The following PGR variants were observed in gnomAD, a reference collection of about 807,000 sequenced individuals.
The protein encoded by PGR is progesterone receptor.
Under a neutral mutation model 76.1 loss-of-function variants are expected in PGR, and 25 were observed. The ratio of observed to expected loss-of-function variants is 0.33; its 90% confidence interval spans 0.24 to 0.46. The LOEUF (loss-of-function observed/expected upper bound fraction) is 0.46, where lower values mean the gene tolerates loss of function less well. Among genes scored for constraint, PGR ranks in the 20% least tolerant of loss-of-function variants. The pLI is 1.00. For missense variants in PGR, 1,172 were observed against 1,225.3 expected (o/e 0.96, Z 0.65); for synonymous variants, 579 against 535.0 (o/e 1.08, Z -1.14).
Position 101,128,639 on chromosome 11 carries a change from G to A in PGR, c.432C>T (p.Gly144=). ...CCGGTGGATCTTCGGGAAGTTCGGGGCCAAACAGGCACCAAGAGCTGGTGA... is the reference window on the plus strand; with the variant it reads ...CCGGTGGATCTTCGGGAAGTTCGGGACCAAACAGGCACCAAGAGCTGGTGA... ...CEVTSSWCLF[G]PELPEDPPAA... The change falls in exon 1 of 8, where the codon GGC becomes GGT. Residue 144 remains glycine (G), a synonymous_variant. Coordinates refer to ENST00000325455, the MANE Select transcript of PGR (RefSeq NM_000926.4). 1 of 1,589,098 alleles carries A rather than the reference G, an allele frequency of 6.3e-7. No homozygotes were observed. The highest frequency in any genetic ancestry group is 8.6e-7 in the Non-Finnish European group (1 of 1,169,360).
chr11:101,079,928 C>G (rs962319174), intron 3 of PGR, among the ~76,000 whole-genome samples: 4 of 152,204 alleles, frequency 2.6e-5, no homozygotes, highest in Admixed American at 2.0e-4. Flanking sequence ...GGAGCACCCA[C>G]TCTCCTGAAT....
intron 2 of PGR, among the ~76,000 whole-genome samples, chr11:101,111,831 T>C (rs1047317403): frequency 6.6e-6 from 1 of 152,144 alleles, no homozygotes; most frequent in Non-Finnish European, 1.5e-5. Flanking sequence ...GGGTGGTTTA[T>C]CCACAGTTTG....
chr11:101,078,432 TG>T (rs1328867240), intron 3 of PGR, among the ~76,000 whole-genome samples: 1 of 152,198 alleles, frequency 6.6e-6, no homozygotes, highest in East Asian at 1.9e-4. Context: ...TTTTTACAAC[TG>T]CAAAATATAA....
intron 2 of PGR, among the ~76,000 whole-genome samples, chr11:101,105,891 T>C (rs993051741): frequency 3.3e-5 from 5 of 152,064 alleles, no homozygotes; most frequent in Admixed American, 3.3e-4. Flanking sequence ...TATAGACCAA[T>C]GGACAGAAAA....
chr11:101,097,673 CT>C (rs539303704), intron 2 of PGR, among the ~76,000 whole-genome samples: 25 of 151,982 alleles, frequency 1.6e-4, no homozygotes, highest in African/African-American at 5.3e-4. Flanking sequence ...CACCTTTTAA[CT>C]TTTTTTCTTA....
chr11:101,056,929 A>C (rs899041907), intron 4 of PGR, among the ~76,000 whole-genome samples: 1 of 152,222 alleles, frequency 6.6e-6, no homozygotes, highest in African/African-American at 2.4e-5. Flanking sequence ...TAAGAAGTTA[A>C]TGTCTAATAA....
chr11:101,083,606 C>T (rs763089765), intron 3 of PGR, among the ~76,000 whole-genome samples: 8 of 152,206 alleles, frequency 5.3e-5, no homozygotes, highest in African/African-American at 2.4e-5. Flanking sequence ...CATCAGTATG[C>T]TCTGGATGTG....
At position 101,034,615 on chromosome 11, in the gene PGR, G is replaced by A. The variant is rs1052386415; in HGVS notation, c.*4501C>T. 7 of 171,654 alleles carry A rather than the reference G, an allele frequency of 4.1e-5. No homozygotes were observed. Among genetic ancestry groups the A allele is most frequent in the East Asian group, 1.1e-4 (1 of 9,312 alleles). The allele number at this position is 171,654 out of a possible 1,614,324, so 10.6% of individuals were successfully genotyped here. On this transcript the variant is annotated 3_prime_UTR_variant, in exon 8 of 8. Transcript: ENST00000325455. ...TTTAAGGCCACATTGATTCTAGGCC[G>A]AACTTTAGAAGTGTAGGTTCTATTA... is the stretch of plus-strand genomic sequence containing the variant.
chr11:101,051,717 CATTA>C, intron 4 of PGR, 149 bp from the exon 5 acceptor site: 1 of 659,800 alleles, frequency 1.5e-6, no homozygotes. Flanking sequence ...AATCAGAAAA[CATTA>C]ATAAATAATA....
At chr11:101,119,166 C>T (rs1171276870) in intron 2 of PGR, among the ~76,000 whole-genome samples, 2 of 152,130 alleles carry the variant, frequency 1.3e-5, no homozygotes, top group Non-Finnish European at 1.5e-5. Flanking sequence ...CTGTAATTCT[C>T]GCTTGGCCAC....
Position 101,030,210 on chromosome 11 carries a change from C to A in PGR, c.*8906G>T. ...GTCATGAGAAAGATTCCCTGCATCT[C>A]TTGCCAAGTATTAACACTAGTTTTA... On this transcript the variant is annotated 3_prime_UTR_variant, in exon 8 of 8. Coordinates refer to ENST00000325455, the MANE Select transcript of PGR (RefSeq NM_000926.4). The A allele has an allele frequency of 4.5e-6, 1 of 222,598 alleles. No homozygotes were observed. The highest frequency in any genetic ancestry group is 9.0e-6 in the Non-Finnish European group (1 of 111,454). The allele number at this position is 222,598 out of a possible 1,614,324, so 13.8% of individuals were successfully genotyped here.
intron 7 of PGR, 148 bp from the exon 8 acceptor site, chr11:101,039,419 C>G: frequency 1.6e-6 from 1 of 643,324 alleles, no homozygotes; most frequent in Non-Finnish European, 2.7e-6. Flanking sequence ...ATAACTCCCA[C>G]CATTTTCTAG....
chr11:101,108,976 A>G lies in PGR; in HGVS notation c.1789+17031T>C, dbSNP rs531600100. ...TTCTCAAAATATTTCAAACTTTTTCATTATCATCTCTGCTATGGTGATCTA... is the reference window on the plus strand; with the variant it reads ...TTCTCAAAATATTTCAAACTTTTTCGTTATCATCTCTGCTATGGTGATCTA... On this transcript the variant is annotated intron_variant, in intron 2 of 7. Transcript: ENST00000325455. 2.0e-5 allele frequency among the ~76,000 whole-genome samples: 3 copies of G among 152,266 alleles called. No homozygotes were observed. In the South Asian group the frequency reaches 6.2e-4, roughly 32 times the overall value.
intron 2 of PGR, 131 bp downstream of exon 2, chr11:101,125,876 A>G (rs1862825232): frequency 4.9e-6 from 4 of 817,068 alleles, no homozygotes; most frequent in Non-Finnish European, 5.9e-6. Flanking sequence ...AAATGTCATC[A>G]TATATTTTAA....
At position 101,129,465 on chromosome 11, in the gene PGR, T is replaced by C. The variant is rs1034160656; in HGVS notation, c.-395A>G. The C allele has an allele frequency of 2.4e-5, 6 of 254,524 alleles. No homozygotes were observed. Among genetic ancestry groups the C allele is most frequent in the Non-Finnish European group, 3.8e-5 (5 of 133,174 alleles). The allele number at this position is 254,524 out of a possible 1,614,324, so 15.8% of individuals were successfully genotyped here. On this transcript the variant is annotated 5_prime_UTR_variant, in exon 1 of 8. Transcript: ENST00000325455. Reference sequence around the variant, plus strand: ...TGAGTGGCTGCGGCTGCGACGGCAATTTAGTGACACGCGGCTCCTTTATCT... The same window carrying C: ...TGAGTGGCTGCGGCTGCGACGGCAACTTAGTGACACGCGGCTCCTTTATCT...
At chr11:101,086,838 C>CCA (rs745511101) in intron 3 of PGR, among the ~76,000 whole-genome samples, 3 of 151,620 alleles carry the variant, frequency 2.0e-5, no homozygotes, top group African/African-American at 4.8e-5. Flanking sequence ...TTTAAAATAG[C>CCA]CACACACACA....
intron 3 of PGR, among the ~76,000 whole-genome samples, chr11:101,064,778 T>C (rs1476319524): frequency 6.6e-6 from 1 of 152,244 alleles, no homozygotes; most frequent in Non-Finnish European, 1.5e-5. Context: ...TGTTGCTGTA[T>C]GGTTTGCACT....
intron 2 of PGR, among the ~76,000 whole-genome samples, chr11:101,113,934 C>A (rs1027978318): frequency 1.3e-5 from 2 of 151,904 alleles, no homozygotes; most frequent in African/African-American, 4.8e-5. Context: ...AGGTTCAGTT[C>A]TTCATACTTT....
At chr11:101,103,132 G>A (rs574503282) in intron 2 of PGR, among the ~76,000 whole-genome samples, 1 of 151,838 alleles carries the variant, frequency 6.6e-6, no homozygotes, top group South Asian at 2.1e-4. Context: ...AAAATGGCAG[G>A]AGAAATGATA....
Sources: allele counts gnomAD v4.1 joint callset (sites outside exome capture counted in the v4.1 genomes callset), GRCh38; gene constraint gnomAD v4.1.1; transcripts MANE v1.5; gene names NCBI Gene and HGNC (gene_info 2026-07-23, HGNC 2026-07-21).